Variants in DCUN1D2 observed in about 807,000 individuals in gnomAD.
The protein encoded by DCUN1D2 is defective in cullin neddylation 1 domain containing 2.
Under a neutral mutation model 30.9 loss-of-function variants are expected in DCUN1D2, and 29 were observed. That is an observed-to-expected ratio of 0.94 (90% CI 0.70 to 1.28). The LOEUF (loss-of-function observed/expected upper bound fraction) is 1.28. DCUN1D2 is among the 50% of genes most tolerant of loss of function. The pLI is 0.00. For missense variants in DCUN1D2, 325 were observed against 316.9 expected (o/e 1.03, Z -0.19); for synonymous variants, 121 against 115.3 (o/e 1.05, Z -0.32).
intron 4 of DCUN1D2, chr13:113,468,845 C>A (rs1479310547): frequency 6.6e-6 from 1 of 152,316 alleles, no homozygotes; most frequent in Non-Finnish European, 1.5e-5. Flanking sequence ...TGAGCCACTG[C>A]CAGCAACAGG....
intron 4 of DCUN1D2, among the ~76,000 whole-genome samples, chr13:113,469,765 A>G (rs2044471040): frequency 1.3e-5 from 2 of 148,924 alleles, no homozygotes; most frequent in African/African-American, 4.8e-5. Flanking sequence ...CTTAAGCCCA[A>G]GAATTCGAGG....
At chr13:113,484,216 C>A in intron 1 of DCUN1D2, 160 bp from the exon 2 acceptor site, 1 of 1,413,354 alleles carries the variant, frequency 7.1e-7, no homozygotes. Context: ...GAAACAACAG[C>A]ATCTATACTG....
rs137943930 is a variant in DCUN1D2 at position 113,474,866 on chromosome 13, G to T, written c.390-612C>A. ...TATAAACTTAAGCTACCTTATTTAGGGATCTCTTCATTACAGCAAGTTAGA... is the reference window on the plus strand; with the variant it reads ...TATAAACTTAAGCTACCTTATTTAGTGATCTCTTCATTACAGCAAGTTAGA... On this transcript the variant is annotated intron_variant, in intron 3 of 6. Transcript: ENST00000478244. 8.2e-3 allele frequency among the ~76,000 whole-genome samples: 1,250 copies of T among 152,214 alleles called. 15 individuals are homozygous for T. The highest frequency in any genetic ancestry group is 0.029 in the African/African-American group (1,198 of 41,528).
rs112959007 is a variant in DCUN1D2 at position 113,483,338 on chromosome 13, T to C, written c.220+502A>G. ...CGAGCTTTTCCCAAAGCCTCTCTAA[T>C]CACTGAAGCTATTTCAGGGCTGACA... is the stretch of plus-strand genomic sequence containing the variant. On this transcript the variant is annotated intron_variant, in intron 2 of 6. Coordinates refer to ENST00000478244, the MANE Select transcript of DCUN1D2 (RefSeq NM_001014283.2). Among the ~76,000 whole-genome samples, 820 of 152,222 alleles carry C rather than the reference T, an allele frequency of 5.4e-3. 8 individuals are homozygous for C. Among genetic ancestry groups the C allele is most frequent in the African/African-American group, 0.019 (779 of 41,534 alleles).
intron 1 of DCUN1D2, among the ~76,000 whole-genome samples, chr13:113,489,498 C>T (rs374289427): frequency 6.6e-6 from 1 of 152,156 alleles, no homozygotes; most frequent in Non-Finnish European, 1.5e-5. Flanking sequence ...TAAACTCCAT[C>T]CTCTTGGTTT....
At chr13:113,469,477 T>C (rs1466513938) in intron 4 of DCUN1D2, among the ~76,000 whole-genome samples, 3 of 151,568 alleles carry the variant, frequency 2.0e-5, no homozygotes, top group Non-Finnish European at 4.4e-5. Context: ...ACCAGCAGTT[T>C]GAGACCAGCC....
chr13:113,480,469 C>A, intron 3 of DCUN1D2, 106 bp downstream of exon 3: 2 of 1,259,032 alleles, frequency 1.6e-6, no homozygotes, highest in Non-Finnish European at 2.2e-6. Flanking sequence ...TAAAGATACA[C>A]AAAGAAAATA....
chr13:113,489,179 G>A, intron 1 of DCUN1D2: 1 of 984,016 alleles, frequency 1.0e-6, no homozygotes, highest in Non-Finnish European at 1.2e-6. Flanking sequence ...GCACGCTAGA[G>A]GGAGGGGGAG....
chr13:113,485,305 C>T (rs2044782254), intron 1 of DCUN1D2, among the ~76,000 whole-genome samples: 1 of 152,208 alleles, frequency 6.6e-6, no homozygotes, highest in South Asian at 2.1e-4. Flanking sequence ...TATAAAAACA[C>T]ATGGAATGAT....
chr13:113,472,744 G>A (rs1022022215), intron 4 of DCUN1D2, among the ~76,000 whole-genome samples: 1 of 152,212 alleles, frequency 6.6e-6, no homozygotes, highest in African/African-American at 2.4e-5. Context: ...TCTCGACACT[G>A]CTGGTGTCCC....
chr13:113,468,410 C>T (rs941427807), intron 4 of DCUN1D2, among the ~76,000 whole-genome samples: 3 of 152,094 alleles, frequency 2.0e-5, no homozygotes, highest in African/African-American at 4.8e-5. Context: ...TTGATGGGGA[C>T]AGCGTTTCAG....
rs989089046 is a variant in DCUN1D2, at chr13:113,457,718, G to A, written c.*311C>T. On this transcript the variant is annotated 3_prime_UTR_variant, in exon 7 of 7. Coordinates refer to ENST00000478244, the MANE Select transcript of DCUN1D2 (RefSeq NM_001014283.2). ...GCGCGAGCTACGCAGCATGCTCTGC[G>A]GTCCCACAGGCGGCGCTATGGCTCT... 2 of 229,552 alleles carry A rather than the reference G, an allele frequency of 8.7e-6. No homozygotes were observed. Among genetic ancestry groups the A allele is most frequent in the East Asian group, 8.9e-5 (1 of 11,280 alleles). 14.2% of individuals were successfully genotyped at this position (229,552 alleles called of 1,614,324 possible).
chr13:113,483,524 A>T (rs918387918), intron 2 of DCUN1D2, among the ~76,000 whole-genome samples: 2 of 152,150 alleles, frequency 1.3e-5, no homozygotes, highest in Non-Finnish European at 2.9e-5. Flanking sequence ...CCAAGACACC[A>T]AGCCTCCCAG....
At chr13:113,483,741 G>T in intron 2 of DCUN1D2, 99 bp downstream of exon 2, 1 of 1,210,460 alleles carries the variant, frequency 8.3e-7, no homozygotes, top group Non-Finnish European at 1.2e-6. Context: ...AGCAACGGCA[G>T]CCCGGAGACC....
At chr13:113,479,743 A>C (rs2044675403) in intron 3 of DCUN1D2, among the ~76,000 whole-genome samples, 1 of 152,168 alleles carries the variant, frequency 6.6e-6, no homozygotes, top group African/African-American at 2.4e-5. Flanking sequence ...CAAACAAACA[A>C]ACAAGTAGGA....
chr13:113,458,655 G>A (rs2044266837), intron 6 of DCUN1D2, among the ~76,000 whole-genome samples: 2 of 152,202 alleles, frequency 1.3e-5, no homozygotes, highest in Non-Finnish European at 2.9e-5. Context: ...CTGATCTAGG[G>A]ACGGTGCAAA....
intron 2 of DCUN1D2, among the ~76,000 whole-genome samples, chr13:113,481,719 A>G (rs573795964): frequency 3.9e-5 from 6 of 152,282 alleles, no homozygotes; most frequent in African/African-American, 1.4e-4. Flanking sequence ...CCCCGTCTCT[A>G]CTAAAAATAC....
At chr13:113,468,043 TAAAA>T (rs59075073) in intron 4 of DCUN1D2, among the ~76,000 whole-genome samples, 3 of 97,210 alleles carry the variant, frequency 3.1e-5, no homozygotes, top group African/African-American at 1.2e-4. Context: ...GGATCCATCT[TAAAA>T]AAAAAAAAAA....
chr13:113,485,630 C>T (rs146506339), intron 1 of DCUN1D2, among the ~76,000 whole-genome samples: 377 of 152,162 alleles, frequency 2.5e-3, no homozygotes, highest in African/African-American at 8.6e-3. Context: ...ATGCCAACCA[C>T]GTACAGCAGA....
Sources: gnomAD v4.1 joint callset for allele counts (sites outside exome capture counted in the v4.1 genomes callset) on GRCh38, gnomAD v4.1.1 for gene constraint, MANE v1.5 for transcripts, NCBI Gene and HGNC (gene_info 2026-07-23, HGNC 2026-07-21) for gene names.